The following ZBBX variants were observed in gnomAD, a reference collection of about 807,000 sequenced individuals.
ZBBX encodes zinc finger B-box domain-containing protein 1.
Under a neutral mutation model 108.5 loss-of-function variants are expected in ZBBX, and 101 were observed. The ratio of observed to expected loss-of-function variants is 0.93; its 90% CI spans 0.79 to 1.10. The LOEUF is 1.10. Among genes scored for constraint, ZBBX ranks in the 50% least tolerant of loss-of-function variants. ZBBX has a pLI of 0.00. For synonymous variants in ZBBX, 356 were observed against 323.4 expected, an observed-to-expected ratio of 1.10 and a Z score of -1.08; for missense variants, 1,009 against 941.4, an observed-to-expected ratio of 1.07 and a Z score of -0.94.
intron 11 of ZBBX, among the ~76,000 whole-genome samples, chr3:167,324,301 T>C (rs1034077624): frequency 6.6e-6 from 1 of 152,060 alleles, no homozygotes; most frequent in East Asian, 1.9e-4. Context: ...CACATTATCA[T>C]GTATGACTTT....
At chr3:167,332,296 C>T (rs1317189317) in intron 10 of ZBBX, among the ~76,000 whole-genome samples, 2 of 151,650 alleles carry the variant, frequency 1.3e-5, no homozygotes, top group Non-Finnish European at 2.9e-5. Context: ...CACAAACACA[C>T]ACACACACAC....
chr3:167,316,258 C>T (rs757168053), intron 14 of ZBBX, among the ~76,000 whole-genome samples: 4 of 151,816 alleles, frequency 2.6e-5, no homozygotes, highest in Non-Finnish European at 5.9e-5. Flanking sequence ...TGTTGTTAGC[C>T]AAAAAACACA....
At chr3:167,379,563 A>G (rs1237072582) in intron 2 of ZBBX, 75 bp downstream of exon 2, 1 of 152,160 alleles carries the variant, frequency 6.6e-6, no homozygotes, top group Admixed American at 6.5e-5. Flanking sequence ...CAACTTTACT[A>G]TATTTTTTAA....
chr3:167,385,309 A>G (rs954811211), intron 1 of ZBBX, among the ~76,000 whole-genome samples: 9 of 152,038 alleles, frequency 5.9e-5, no homozygotes, highest in African/African-American at 1.7e-4. Context: ...GTATCTAAGC[A>G]TATGTAAACA....
rs542126583 is a variant in ZBBX, at chr3:167,364,186, C to CA, written c.273+1699dup. ...GCCCTTACTCACTATATATCTTTAG[C>CA]AAAAAAAAAAAATACGCAAAAACAA... On this transcript the variant is annotated intron_variant, in intron 6 of 21. Coordinates refer to ENST00000675490, the MANE Select transcript of ZBBX (RefSeq NM_001199201.2). Among the ~76,000 whole-genome samples the CA allele has an allele frequency of 8.6e-3, 1,180 of 137,490 alleles. 13 individuals carry two copies. Among genetic ancestry groups the CA allele is most frequent in the African/African-American group, 0.024 (914 of 37,836 alleles). 90.2% of individuals were successfully genotyped at this position (137,490 alleles called of 152,430 possible). A position where few individuals can be genotyped will look rare whatever the true frequency, so the allele number is the denominator to read the frequency against.
intron 17 of ZBBX, among the ~76,000 whole-genome samples, chr3:167,301,755 A>T (rs1417087624): frequency 2.6e-5 from 4 of 152,098 alleles, no homozygotes; most frequent in Admixed American, 2.0e-4. Flanking sequence ...CAGGAGATCG[A>T]GACCATCCTG....
rs560567094 is a variant in ZBBX at position 167,308,971 on chromosome 3, C to T, written c.1418-3021G>A. 1.1e-4 allele frequency among the ~76,000 whole-genome samples: 16 copies of T among 152,232 alleles called. No homozygotes were observed. The South Asian group carries it at 3.3e-3, about 32-fold the overall frequency. ...TAAAAGTTAAAAAAAGGCATGCCTACCAGTGACATGTCAGTTTACCACTGC... is the reference window on the plus strand; with the variant it reads ...TAAAAGTTAAAAAAAGGCATGCCTATCAGTGACATGTCAGTTTACCACTGC... On this transcript the variant is annotated intron_variant, in intron 16 of 21. Coordinates refer to ENST00000675490, the MANE Select transcript of ZBBX (RefSeq NM_001199201.2).
At chr3:167,237,277 T>C (rs980887828), downstream of ZBBX, among the ~76,000 whole-genome samples, 1 of 151,878 alleles carries the variant, frequency 6.6e-6, no homozygotes, top group African/African-American at 2.4e-5. Flanking sequence ...ACTAAAACTA[T>C]TAAATAAAAT....
intron 1 of ZBBX, among the ~76,000 whole-genome samples, chr3:167,398,814 G>A (rs935015157): frequency 6.6e-6 from 1 of 151,982 alleles, no homozygotes; most frequent in African/African-American, 2.4e-5. Context: ...AATCCCCTAT[G>A]TGACAGTATT....
At chr3:167,260,679 T>G (rs966699264) in intron 20 of ZBBX, among the ~76,000 whole-genome samples, 10 of 152,202 alleles carry the variant, frequency 6.6e-5, no homozygotes, top group Non-Finnish European at 1.3e-4. Context: ...TCTGAGTTTT[T>G]TATTGTTTTG....
At chr3:167,324,660 G>A (rs1737053349) in intron 11 of ZBBX, among the ~76,000 whole-genome samples, 1 of 151,996 alleles carries the variant, frequency 6.6e-6, no homozygotes, top group Admixed American at 6.6e-5. Context: ...CCTTACTTCG[G>A]TAACTTTTTC....
At chr3:167,263,499 G>T (rs991525807) in intron 20 of ZBBX, among the ~76,000 whole-genome samples, 2 of 152,018 alleles carry the variant, frequency 1.3e-5, no homozygotes, top group African/African-American at 2.4e-5. Flanking sequence ...TCATTTGGGA[G>T]CATACTGTTT....
Position 167,325,097 on chromosome 3 carries a change from T to C in ZBBX, c.862+2845A>G, listed in dbSNP as rs1372535334. Among the ~76,000 whole-genome samples, 3 of 152,304 alleles carry C rather than the reference T, an allele frequency of 2.0e-5. No individual in the cohort carries two copies. The East Asian group carries it at 5.8e-4, about 29-fold the overall frequency. ...AATCTCATCTAATCTGATTTGTTTT[T>C]TATTTCTTAATCTAACACTGTTAAA... On this transcript the variant is annotated intron_variant, in intron 11 of 21. Coordinates refer to ENST00000675490, the MANE Select transcript of ZBBX (RefSeq NM_001199201.2).
chr3:167,201,103 A>C, the ZBBX span, among the ~76,000 whole-genome samples: 1 of 152,242 alleles, frequency 6.6e-6, no homozygotes, highest in South Asian at 2.1e-4. Context: ...TTCATCCCAA[A>C]GAGTGCTGAT....
At chr3:167,220,876 T>C in the ZBBX span, among the ~76,000 whole-genome samples, 1 of 151,836 alleles carries the variant, frequency 6.6e-6, no homozygotes, top group Non-Finnish European at 1.5e-5. Context: ...ACATTTAGAA[T>C]ACAAAGTCAA....
Position 167,263,024 on chromosome 3 carries a change from C to T in ZBBX, c.2254+19214G>A, listed in dbSNP as rs549522148. On this transcript the variant is annotated intron_variant, in intron 20 of 21. Transcript: ENST00000675490. ...TAATTTGAGGTTTGGTTTGTGCTTG[C>T]TTTTCTAGTTCTTTTTTTTTTTTTT... is the stretch of plus-strand genomic sequence containing the variant. 3.6e-4 allele frequency among the ~76,000 whole-genome samples: 51 copies of T among 140,266 alleles called. No individual in the cohort carries two copies. In the South Asian group the frequency reaches 0.011, roughly 31 times the overall value. The allele number at this position is 140,266 out of a possible 152,430, so 92.0% of individuals were successfully genotyped here.
chr3:167,389,759 C>T (rs1229926928), intron 1 of ZBBX, among the ~76,000 whole-genome samples: 1 of 152,122 alleles, frequency 6.6e-6, no homozygotes, highest in Middle Eastern at 3.4e-3. Flanking sequence ...ATGTTTTTGG[C>T]CACACAAATA....
At chr3:167,294,068 A>T (rs5923812) in intron 18 of ZBBX, among the ~76,000 whole-genome samples, 2 of 152,206 alleles carry the variant, frequency 1.3e-5, no homozygotes, top group African/African-American at 4.8e-5. Context: ...ATGGAAAAAC[A>T]TTTCATGCTC....
At chr3:167,254,406 C>T (rs1470961556) in intron 20 of ZBBX, among the ~76,000 whole-genome samples, 3 of 151,920 alleles carry the variant, frequency 2.0e-5, no homozygotes, top group African/African-American at 4.8e-5. Flanking sequence ...TAACTTATAT[C>T]AAAATAGAAA....
Sources: allele counts gnomAD v4.1 joint callset (sites outside exome capture counted in the v4.1 genomes callset), GRCh38; gene constraint gnomAD v4.1.1; transcripts MANE v1.5; gene names NCBI Gene and HGNC (gene_info 2026-07-23, HGNC 2026-07-21).